Variants in COMMD10 observed in about 807,000 individuals in gnomAD.
The protein encoded by COMMD10 is COMM domain-containing protein 10.
In COMMD10, 33 loss-of-function variants were observed where a neutral mutation model predicts 28.9. The observed-to-expected ratio is 1.14, with a 90% CI of 0.87 to 1.53. The LOEUF (loss-of-function observed/expected upper bound fraction) is 1.53. Ranked by LOEUF, COMMD10 falls within the 40% of genes most tolerant of loss-of-function variation. The probability of loss-of-function intolerance (pLI) is 0.00; values close to 1 mark genes in which losing one functional copy is unlikely to be tolerated. For missense variants in COMMD10, 310 were observed against 233.4 expected, an observed-to-expected ratio of 1.33 and a Z score of -2.14; for synonymous variants, 110 against 81.7, an observed-to-expected ratio of 1.35 and a Z score of -1.87.
intron 5 of COMMD10, among the ~76,000 whole-genome samples, chr5:116,234,095 T>C (rs1045929097): frequency 6.6e-6 from 1 of 152,122 alleles, no homozygotes; most frequent in Non-Finnish European, 1.5e-5. Context: ...GAAAGGAGGC[T>C]AAAATTTTCA....
At chr5:116,241,732 C>T (rs1421590556) in intron 5 of COMMD10, among the ~76,000 whole-genome samples, 11 of 152,048 alleles carry the variant, frequency 7.2e-5, no homozygotes, top group Non-Finnish European at 1.6e-4. Flanking sequence ...TCTGCCTTAG[C>T]CTTCTGAGTA....
chr5:116,255,295 T>G (rs1249265316), intron 5 of COMMD10, among the ~76,000 whole-genome samples: 3 of 151,830 alleles, frequency 2.0e-5, no homozygotes, highest in Non-Finnish European at 2.9e-5. Flanking sequence ...TTAGTCCATT[T>G]ACATTTAAAG....
At chr5:116,233,020 G>A (rs78727748) in intron 5 of COMMD10, among the ~76,000 whole-genome samples, 9,215 of 152,088 alleles carry the variant, frequency 0.061, 453 homozygotes, top group African/African-American at 0.14. Flanking sequence ...TGTGGAGCAC[G>A]GTAGCATTTA....
chr5:116,184,654 A>T (rs1561654683), intron 5 of COMMD10, among the ~76,000 whole-genome samples: 1 of 152,104 alleles, frequency 6.6e-6, no homozygotes, highest in Non-Finnish European at 1.5e-5. Context: ...CCAAAAGAAA[A>T]CAGATTCAGC....
chr5:116,161,951 C>T (rs1445872697), intron 5 of COMMD10, among the ~76,000 whole-genome samples: 1 of 152,128 alleles, frequency 6.6e-6, no homozygotes, highest in Middle Eastern at 3.2e-3. Context: ...ACAGCATGGT[C>T]TTTTTTAAAA....
chr5:116,239,972 G>T (rs995091705), intron 5 of COMMD10, among the ~76,000 whole-genome samples: 3 of 152,190 alleles, frequency 2.0e-5, no homozygotes, highest in Non-Finnish European at 4.4e-5. Flanking sequence ...CAGAATGGCC[G>T]GTGGTAGTCT....
chr5:116,218,380 C>G, intron 5 of COMMD10: 1 of 541,356 alleles, frequency 1.8e-6, no homozygotes, highest in Middle Eastern at 3.6e-4. Context: ...AGGGGTCGTT[C>G]TTGCCTCTTG....
At chr5:116,101,634 T>G (rs1580444920) in intron 4 of COMMD10, among the ~76,000 whole-genome samples, 2 of 151,704 alleles carry the variant, frequency 1.3e-5, no homozygotes, top group South Asian at 4.2e-4. Context: ...ACCATGTTGG[T>G]CAGGCTGGTC....
At chr5:116,108,746 A>AACAG (rs1454865161) in intron 4 of COMMD10, among the ~76,000 whole-genome samples, 6 of 150,836 alleles carry the variant, frequency 4.0e-5, no homozygotes, top group African/African-American at 1.5e-4. Flanking sequence ...AAAACAAACA[A>AACAG]ACAAACTCCT....
intron 4 of COMMD10, among the ~76,000 whole-genome samples, chr5:116,106,932 A>T (rs544921602): frequency 2.8e-4 from 42 of 152,118 alleles, no homozygotes; most frequent in African/African-American, 1.0e-3. Context: ...TCTTTATCCA[A>T]TTTGCCAGTC....
intron 5 of COMMD10, among the ~76,000 whole-genome samples, chr5:116,210,957 C>T (rs933637289): frequency 2.0e-5 from 3 of 151,978 alleles, no homozygotes; most frequent in African/African-American, 4.8e-5. Context: ...AGAACATTTA[C>T]ATTGAAGAAG....
chr5:116,205,933 C>T (rs1337300913), intron 5 of COMMD10, among the ~76,000 whole-genome samples: 2 of 152,012 alleles, frequency 1.3e-5, no homozygotes, highest in East Asian at 1.9e-4. Context: ...TGAATCATTT[C>T]CACTGATTCT....
intron 5 of COMMD10, among the ~76,000 whole-genome samples, chr5:116,288,983 G>A (rs1460978377): frequency 2.7e-5 from 4 of 146,860 alleles, no homozygotes; most frequent in Non-Finnish European, 4.5e-5. Context: ...CTGGGTTCAA[G>A]TGATTCTCCT....
chr5:116,271,747 G>T (rs528520227), intron 5 of COMMD10, among the ~76,000 whole-genome samples: 1 of 151,848 alleles, frequency 6.6e-6, no homozygotes, highest in Non-Finnish European at 1.5e-5. Context: ...GCAAACTTTT[G>T]TTTAAGTCAG....
chr5:116,111,544 T>C (rs1392233135), intron 4 of COMMD10, among the ~76,000 whole-genome samples: 1 of 152,160 alleles, frequency 6.6e-6, no homozygotes, highest in African/African-American at 2.4e-5. Context: ...TTCAGGGGCA[T>C]ATTGTTTAAT....
At chr5:116,139,538 A>C (rs113549809) in intron 5 of COMMD10, among the ~76,000 whole-genome samples, 8 of 151,746 alleles carry the variant, frequency 5.3e-5, no homozygotes, top group African/African-American at 1.7e-4. Context: ...GTATTGACTG[A>C]TTTGGAATGA....
chr5:116,133,499 G>A (rs1561621775), intron 4 of COMMD10, among the ~76,000 whole-genome samples: 1 of 152,186 alleles, frequency 6.6e-6, no homozygotes, highest in Non-Finnish European at 1.5e-5. Flanking sequence ...TTGCTGGGTA[G>A]TAGATATCAA....
chr5:116,126,302 A>G (rs934542951), intron 4 of COMMD10, among the ~76,000 whole-genome samples: 16 of 152,358 alleles, frequency 1.1e-4, no homozygotes, highest in Non-Finnish European at 1.8e-4. Flanking sequence ...AGAACATTCC[A>G]TGCTCATGAA....
intron 5 of COMMD10, among the ~76,000 whole-genome samples, chr5:116,259,074 T>C (rs1443976170): frequency 1.3e-5 from 2 of 149,200 alleles, no homozygotes; most frequent in African/African-American, 5.0e-5. Context: ...TTTTTTTTTT[T>C]TTTTTTTCCT....
Sources: gnomAD v4.1 joint callset for allele counts (sites outside exome capture counted in the v4.1 genomes callset) on GRCh38, gnomAD v4.1.1 for gene constraint, MANE v1.5 for transcripts, NCBI Gene and HGNC (gene_info 2026-07-23, HGNC 2026-07-21) for gene names.